Variants in NEB observed in about 807,000 individuals in gnomAD.
The protein encoded by NEB is nebulin.
In NEB, 512 loss-of-function variants were observed where a neutral mutation model predicts 952.2. The ratio of observed to expected loss-of-function variants is 0.54; its 90% CI spans 0.50 to 0.58. The LOEUF is 0.58. Among genes scored for constraint, NEB ranks in the 20% least tolerant of loss-of-function variants. The pLI is 0.00. For missense variants in NEB, 8,428 were observed against 9,231.1 expected (o/e 0.91, Z 3.56); for synonymous variants, 2,900 against 3,149.8 (o/e 0.92, Z 2.66).
At chr2:151,635,532 A>G (rs1292514545) in intron 64 of NEB, among the ~76,000 whole-genome samples, 1 of 151,668 alleles carries the variant, frequency 6.6e-6, no homozygotes, top group Non-Finnish European at 1.5e-5. Flanking sequence ...CATGGTGAAA[A>G]CCCATCTCTA....
At chr2:151,721,069 T>C (rs2099772886) in intron 9 of NEB, among the ~76,000 whole-genome samples, 1 of 152,152 alleles carries the variant, frequency 6.6e-6, no homozygotes, top group Non-Finnish European at 1.5e-5. Flanking sequence ...AGGGCTTCTT[T>C]CTCTCCTTTG....
intron 18 of NEB, among the ~76,000 whole-genome samples, 200 bp from the exon 19 acceptor site, chr2:151,694,829 C>T (rs1212047353): frequency 6.6e-6 from 1 of 152,126 alleles, no homozygotes; most frequent in African/African-American, 2.4e-5. Context: ...CTCTACTCCC[C>T]ATGAGAATTT....
chr2:151,485,778 G>C lies in NEB; in HGVS notation c.25560C>G (p.Asn8520Lys), dbSNP rs772621475. The change falls in exon 182 of 182, where the codon AAC (asparagine) becomes AAG (lysine). Residue 8520 changes from asparagine (N) to lysine (K), a missense_variant. Transcript: ENST00000397345. ...GAAATGCCTAAATAGCTTCAACGTA[G>C]TTGGCTGGGAGCATTCCGGTCCTGC... ...RTGRTGMLPA[N>K]YVEAI is the part of the protein sequence containing the mutation. 6.2e-6 allele frequency: 10 copies of C among 1,611,278 alleles called. No individual in the cohort carries two copies. The highest frequency in any genetic ancestry group is 8.5e-6 in the Non-Finnish European group (10 of 1,177,816).
rs139886401 is a variant in NEB, at chr2:151,682,804, T to C, written c.2836-35A>G. On this transcript the variant is annotated intron_variant, in intron 28 of 181. Coordinates refer to ENST00000397345, the MANE Select transcript of NEB (RefSeq NM_001164508.2). ...CAAGAGAAAGGTTACATTTCTTTGC[T>C]GTGTCATCCTCATTATGTAAAATCA... 593 of 1,531,744 alleles carry C rather than the reference T, an allele frequency of 3.9e-4. 9 individuals carry two copies. In the East Asian group the frequency reaches 0.011, roughly 29 times the overall value. 94.9% of individuals were successfully genotyped at this position (1,531,744 alleles called of 1,614,324 possible). A position where few individuals can be genotyped will look rare whatever the true frequency, so the allele number is the denominator to read the frequency against.
Position 151,664,778 on chromosome 2 carries a change from T to C in NEB, c.5324A>G (p.Asn1775Ser). Reference sequence around the variant, plus strand: ...ACTTACATCACTCATGGTGATTTGGTTTACTCTGGAGAGTAAAATATCCGG... The same window carrying C: ...ACTTACATCACTCATGGTGATTTGGCTTACTCTGGAGAGTAAAATATCCGG... ...DTPDILLSRVNQITMSDKLYK... is the reference protein window; with the variant it reads ...DTPDILLSRVSQITMSDKLYK... The change falls in exon 43 of 182, where the codon AAC (asparagine) becomes AGC (serine). Residue 1775 changes from asparagine (N) to serine (S), a missense_variant. Physicochemically the swap from Asn to Ser is conservative, Grantham distance 46. Transcript: ENST00000397345. The C allele has an allele frequency of 6.2e-7, 1 of 1,611,264 alleles. No homozygotes were observed. Among genetic ancestry groups the C allele is most frequent in the Admixed American group, 1.7e-5 (1 of 59,862 alleles).
intron 5 of NEB, among the ~76,000 whole-genome samples, chr2:151,726,740 A>G (rs1337257912): frequency 6.6e-6 from 1 of 152,154 alleles, no homozygotes; most frequent in Non-Finnish European, 1.5e-5. Flanking sequence ...ATCCTTTTGT[A>G]CAGGGCTGGG....
intron 55 of NEB, among the ~76,000 whole-genome samples, chr2:151,645,195 A>AT (rs2098939878): frequency 6.6e-6 from 1 of 152,222 alleles, no homozygotes; most frequent in South Asian, 2.1e-4. Context: ...ATGGATTATT[A>AT]TTGAGGTGCT....
Position 151,679,703 on chromosome 2 carries a change from G to A in NEB, c.3255+18C>T. The A allele has an allele frequency of 1.6e-6, 1 of 637,844 alleles. No homozygotes were observed. The allele number at this position is 637,844 out of a possible 1,614,324, so 39.5% of individuals were successfully genotyped here. On this transcript the variant is annotated intron_variant, in intron 32 of 181. Coordinates refer to ENST00000397345, the MANE Select transcript of NEB (RefSeq NM_001164508.2). ...CCACATTTTCTAGTTGCCCATGTAT[G>A]ACCACAGCTGGACTTACGTCACTCG... is the stretch of plus-strand genomic sequence containing the variant.
chr2:151,568,538 A>T, intron 111 of NEB, 80 bp downstream of exon 111: 1 of 1,421,932 alleles, frequency 7.0e-7, no homozygotes, highest in Admixed American at 1.8e-5. Context: ...AGATGATTGC[A>T]TTCTGAGTGT....
At chr2:151,696,493 T>G in intron 17 of NEB, 144 bp downstream of exon 17, 1 of 549,708 alleles carries the variant, frequency 1.8e-6, no homozygotes, top group East Asian at 3.1e-5. Flanking sequence ...CAGAAATATA[T>G]TTTTATACAA....
In NEB at chr2:151,549,519, A is replaced by G. The variant is rs1249525279; in HGVS notation, c.20049+117T>C. ...CTGTCTCTCCTCTCCAGCTCCCATCATTCTATCAGGTTGAACCTTGAGGGT... is the reference window on the plus strand; with the variant it reads ...CTGTCTCTCCTCTCCAGCTCCCATCGTTCTATCAGGTTGAACCTTGAGGGT... On this transcript the variant is annotated intron_variant, in intron 130 of 181. Coordinates refer to ENST00000397345, the MANE Select transcript of NEB (RefSeq NM_001164508.2). 8.2e-6 allele frequency: 6 copies of G among 732,492 alleles called. No individual in the cohort carries two copies. The Admixed American group carries it at 1.3e-4, about 15-fold the overall frequency. The allele number at this position is 732,492 out of a possible 1,614,324, so 45.4% of individuals were successfully genotyped here. A position where few individuals can be genotyped will look rare whatever the true frequency, so the allele number is the denominator to read the frequency against.
At chr2:151,641,174 T>A (rs1421077211) in intron 60 of NEB, among the ~76,000 whole-genome samples, 3 of 152,162 alleles carry the variant, frequency 2.0e-5, no homozygotes, top group African/African-American at 7.2e-5. Context: ...AAAATTAAGA[T>A]GTAATTCTGC....
intron 150 of NEB, among the ~76,000 whole-genome samples, chr2:151,525,625 T>A (rs909984176): frequency 1.3e-5 from 2 of 152,148 alleles, no homozygotes; most frequent in Non-Finnish European, 2.9e-5. Context: ...CCCAAAGAGG[T>A]AGTTTTACCT....
intron 166 of NEB, 81 bp downstream of exon 166, chr2:151,503,268 G>T: frequency 9.6e-7 from 1 of 1,039,424 alleles, no homozygotes; most frequent in Non-Finnish European, 1.5e-6. Context: ...CTGTTAAGAT[G>T]TTACTTTCTT....
chr2:151,514,534 T>C, intron 158 of NEB, 106 bp from the exon 159 acceptor site: 1 of 897,580 alleles, frequency 1.1e-6, no homozygotes, highest in Middle Eastern at 2.5e-4. Flanking sequence ...GGGTTCACAG[T>C]TTAGTAAGTA....
At position 151,636,427 on chromosome 2, in the gene NEB, G is replaced by A. The variant is rs1041963044; in HGVS notation, c.8995-93C>T. The A allele has an allele frequency of 1.1e-5, 11 of 962,416 alleles. No homozygotes were observed. The African/African-American group carries it at 1.7e-4, about 15-fold the overall frequency. The allele number at this position is 962,416 out of a possible 1,614,324, so 59.6% of individuals were successfully genotyped here. ...ATTCACTAAGTTCTCCACAGACAGT[G>A]CCTATAATAATCTTTCTTTTGAGAG... On this transcript the variant is annotated intron_variant, in intron 63 of 181. Transcript: ENST00000397345.
intron 9 of NEB, among the ~76,000 whole-genome samples, chr2:151,720,883 T>G (rs1481500004): frequency 6.6e-6 from 1 of 152,212 alleles, no homozygotes; most frequent in Non-Finnish European, 1.5e-5. Flanking sequence ...TCTCAAATAT[T>G]AATTTCTTGC....
intron 120 of NEB, 132 bp downstream of exon 120, chr2:151,562,479 C>G: frequency 1.0e-6 from 1 of 958,560 alleles, no homozygotes; most frequent in Non-Finnish European, 1.5e-6. Flanking sequence ...GTGGCTCATG[C>G]CACTTTGTTT....
At chr2:151,558,847 C>T (rs181064751) in intron 124 of NEB, among the ~76,000 whole-genome samples, 208 of 152,230 alleles carry the variant, frequency 1.4e-3, no homozygotes, top group African/African-American at 4.8e-3. Flanking sequence ...CATAAAAACC[C>T]CAGAAGAAAA....
Sources: gnomAD v4.1 joint callset for allele counts (sites outside exome capture counted in the v4.1 genomes callset) on GRCh38, gnomAD v4.1.1 for gene constraint, MANE v1.5 for transcripts, NCBI Gene and HGNC (gene_info 2026-07-23, HGNC 2026-07-21) for gene names.